Variants in FHIP1A observed in about 807,000 individuals in gnomAD.
FHIP1A encodes the protein FHF complex subunit HOOK-interacting protein 1A.
A neutral mutation model predicts 88.6 loss-of-function variants in FHIP1A; 61 were observed. The ratio of observed to expected loss-of-function variants is 0.69; its 90% CI spans 0.56 to 0.85. The LOEUF is 0.85. Among genes scored for constraint, FHIP1A ranks in the 40% least tolerant of loss-of-function variants. The pLI is 0.00. For synonymous variants in FHIP1A, 478 were observed against 496.0 expected (o/e 0.96, Z 0.48); for missense variants, 1,154 against 1,273.5 (o/e 0.91, Z 1.43).
intron 7 of FHIP1A, among the ~76,000 whole-genome samples, chr4:151,609,719 A>G (rs1308159806): frequency 6.6e-6 from 1 of 152,214 alleles, no homozygotes; most frequent in African/African-American, 2.4e-5. Context: ...ATACCTGGGC[A>G]TATTGTTATG....
chr4:151,464,801 C>T (rs1407440219), intron 2 of FHIP1A, among the ~76,000 whole-genome samples: 2 of 152,022 alleles, frequency 1.3e-5, no homozygotes, highest in East Asian at 3.9e-4. Flanking sequence ...CTGGATAGCA[C>T]TTAAGAGATT....
rs543649347 is a variant in FHIP1A at position 151,655,898 on chromosome 4, AG to A, written c.2552-332del. 8.0e-4 allele frequency among the ~76,000 whole-genome samples: 122 copies of A among 152,336 alleles called. 1 individual carries two copies. In the South Asian group the frequency reaches 0.013, roughly 16 times the overall value. ...AAGCATTGGCAGCCCCAAGAAATAC[AG>A]GAATGATGTAGAAAAGCATATTTTA... On this transcript the variant is annotated intron_variant, in intron 11 of 13. Coordinates refer to ENST00000435205, the MANE Select transcript of FHIP1A (RefSeq NM_001109977.3).
intron 7 of FHIP1A, among the ~76,000 whole-genome samples, chr4:151,605,895 C>T (rs1340634215): frequency 3.3e-5 from 5 of 152,204 alleles, no homozygotes; most frequent in African/African-American, 1.2e-4. Flanking sequence ...CAGGCTGGAA[C>T]TCCGGTAGAG....
intron 4 of FHIP1A, among the ~76,000 whole-genome samples, chr4:151,568,962 C>T (rs954223565): frequency 1.3e-5 from 2 of 152,192 alleles, no homozygotes; most frequent in African/African-American, 4.8e-5. Context: ...ATGAGATCTT[C>T]AGCTGGGGGA....
intron 1 of FHIP1A, among the ~76,000 whole-genome samples, chr4:151,443,155 G>T (rs1206569742): frequency 6.6e-6 from 1 of 152,020 alleles, no homozygotes; most frequent in Non-Finnish European, 1.5e-5. Context: ...CAAATCACTT[G>T]GGCGTGGTGG....
At chr4:151,500,102 A>G (rs540278457) in intron 3 of FHIP1A, among the ~76,000 whole-genome samples, 4 of 152,330 alleles carry the variant, frequency 2.6e-5, no homozygotes, top group South Asian at 2.1e-4. Flanking sequence ...GAATATTTGC[A>G]TATGGATATT....
intron 7 of FHIP1A, among the ~76,000 whole-genome samples, chr4:151,613,043 T>A (rs963958949): frequency 2.0e-5 from 3 of 152,180 alleles, no homozygotes; most frequent in Admixed American, 1.3e-4. Flanking sequence ...AGCATGGGTA[T>A]TTTTAGGTAA....
intron 7 of FHIP1A, 43 bp from the exon 8 acceptor site, chr4:151,629,659 T>A: frequency 6.5e-7 from 1 of 1,537,590 alleles, no homozygotes; most frequent in Non-Finnish European, 8.8e-7. Context: ...TATCACAGCA[T>A]CAAAAGGATG....
intron 1 of FHIP1A, among the ~76,000 whole-genome samples, chr4:151,441,478 C>T (rs1448175107): frequency 6.6e-6 from 1 of 152,088 alleles, no homozygotes; most frequent in Non-Finnish European, 1.5e-5. Context: ...TATGTACATA[C>T]ATATTATATA....
chr4:151,519,674 G>A (rs78714167), intron 3 of FHIP1A, among the ~76,000 whole-genome samples: 2,182 of 152,138 alleles, frequency 0.014, 48 homozygotes, highest in African/African-American at 0.051. Context: ...AAATACCCAG[G>A]AATGGAATGG....
intron 5 of FHIP1A, among the ~76,000 whole-genome samples, chr4:151,586,064 G>A (rs180963235): frequency 6.6e-6 from 1 of 152,060 alleles, no homozygotes; most frequent in African/African-American, 2.4e-5. Flanking sequence ...GAAAATATAC[G>A]TGGAAGTGCT....
At chr4:151,660,701 A>C (rs150582087) in intron 13 of FHIP1A, among the ~76,000 whole-genome samples, 56 of 152,262 alleles carry the variant, frequency 3.7e-4, no homozygotes, top group African/African-American at 1.3e-3. Flanking sequence ...CATGGAGAGG[A>C]GGCTAGAATG....
chr4:151,649,986 G>A lies in FHIP1A; in HGVS notation c.1945G>A (p.Ala649Thr), dbSNP rs1736954970. 1.3e-6 allele frequency: 2 copies of A among 1,551,666 alleles called. No individual in the cohort carries two copies. Among genetic ancestry groups the A allele is most frequent in the African/African-American group, 2.7e-5 (2 of 73,150 alleles). The change falls in exon 11 of 14, where the codon GCT becomes ACT. Residue 649 changes from alanine to threonine, a missense_variant. By Grantham distance (58) the Ala-to-Thr change is moderately conservative (BLOSUM62 0). Coordinates refer to ENST00000435205, the MANE Select transcript of FHIP1A (RefSeq NM_001109977.3). ...TGATGTGATGGTGTACAGGCTGTGTGCTGAGAAGGACTCCGAGGACATGAA... is the reference window on the plus strand; with the variant it reads ...TGATGTGATGGTGTACAGGCTGTGTACTGAGAAGGACTCCGAGGACATGAA... ...QDDVMVYRLC[A>T]EKDSEDMKDS...
At chr4:151,520,655 ATATAT>A in intron 3 of FHIP1A, among the ~76,000 whole-genome samples, 1 of 152,306 alleles carries the variant, frequency 6.6e-6, no homozygotes, top group South Asian at 2.1e-4. Context: ...GCTTTACATA[ATATAT>A]TCTAATTTTT....
At chr4:151,593,952 T>C (rs760457689) in intron 7 of FHIP1A, among the ~76,000 whole-genome samples, 1 of 152,202 alleles carries the variant, frequency 6.6e-6, no homozygotes, top group African/African-American at 2.4e-5. Context: ...CTTAGTTTAT[T>C]GAGAGTTTTT....
At position 151,411,351 on chromosome 4, in the gene FHIP1A, T is replaced by TA. The variant is rs1561483431; in HGVS notation, c.-356+1886_-356+1887insA. On this transcript the variant is annotated intron_variant, in intron 1 of 13. Coordinates refer to ENST00000435205, the MANE Select transcript of FHIP1A (RefSeq NM_001109977.3). ...CTGAGGAGTGAAATTATATATATAT[T>TA]TTTTTTTTTTTAAAGTTAGGGTCTC... 7.7e-5 allele frequency among the ~76,000 whole-genome samples: 11 copies of TA among 142,970 alleles called. No homozygotes were observed. The East Asian group carries it at 8.3e-4, about 11-fold the overall frequency. The allele number at this position is 142,970 out of a possible 152,430, so 93.8% of individuals were successfully genotyped here.
chr4:151,454,620 G>A (rs1728906589), intron 1 of FHIP1A, 81 bp from the exon 2 acceptor site: 3 of 151,650 alleles, frequency 2.0e-5, no homozygotes, highest in African/African-American at 2.4e-5. Flanking sequence ...TTAGAAATCC[G>A]AAGCAGAGAT....
chr4:151,475,464 G>A (rs1729663952), intron 2 of FHIP1A, among the ~76,000 whole-genome samples: 1 of 152,186 alleles, frequency 6.6e-6, no homozygotes. Context: ...TAGGTCATAT[G>A]TAAGCAGAGA....
At chr4:151,591,894 C>A (rs1354093838) in intron 7 of FHIP1A, among the ~76,000 whole-genome samples, 4 of 152,112 alleles carry the variant, frequency 2.6e-5, no homozygotes, top group Admixed American at 6.5e-5. Flanking sequence ...GGTTCCAAGT[C>A]TTTGCTATTG....
Sources: gnomAD v4.1 joint callset for allele counts (sites outside exome capture counted in the v4.1 genomes callset) on GRCh38, gnomAD v4.1.1 for gene constraint, MANE v1.5 for transcripts, NCBI Gene and HGNC (gene_info 2026-07-23, HGNC 2026-07-21) for gene names.